Variants in GC observed in about 807,000 individuals in gnomAD.
GC encodes the protein vitamin D-binding protein.
GC carries 43 observed loss-of-function variants against 56.7 expected under a neutral mutation model. The ratio of observed to expected loss-of-function variants is 0.76; its 90% confidence interval spans 0.59 to 0.98. The LOEUF is 0.98. Among genes scored for constraint, GC ranks in the 50% least tolerant of loss-of-function variants. The pLI, the probability that GC is intolerant of heterozygous loss-of-function variation, is 0.00. For missense variants in GC, 529 were observed against 545.9 expected, an observed-to-expected ratio of 0.97 and a Z score of 0.31; for synonymous variants, 216 against 202.7, an observed-to-expected ratio of 1.07 and a Z score of -0.56.
At chr4:71,796,587 C>T (rs1295100799) in intron 1 of GC, among the ~76,000 whole-genome samples, 1 of 152,162 alleles carries the variant, frequency 6.6e-6, no homozygotes, top group Non-Finnish European at 1.5e-5. Context: ...AGGTTTTGAG[C>T]TTCCTTGTGA....
chr4:71,758,312 C>T (rs557739883), intron 6 of GC, 141 bp from the exon 7 acceptor site: 45 of 665,564 alleles, frequency 6.8e-5, no homozygotes, highest in Non-Finnish European at 1.0e-4. Context: ...ATCTGCCATG[C>T]GATAGATCTT....
chr4:71,783,760 G>A (rs1198169984), intron 1 of GC, among the ~76,000 whole-genome samples: 1 of 151,646 alleles, frequency 6.6e-6, no homozygotes, highest in Non-Finnish European at 1.5e-5. Context: ...CAAGATTCTT[G>A]TGTTGATTTT....
rs112953382 is a variant in GC, at chr4:71,780,466, C to A, written c.58+3495G>T. ...ACAGCAACCTACAGAATGGGAGAAACTTTTTGCAATGTACCCATCTGACAA... is the reference window on the plus strand; with the variant it reads ...ACAGCAACCTACAGAATGGGAGAAAATTTTTGCAATGTACCCATCTGACAA... On this transcript the variant is annotated intron_variant, in intron 1 of 12. Coordinates refer to ENST00000273951, the MANE Select transcript of GC (RefSeq NM_000583.4). 1.8e-4 allele frequency among the ~76,000 whole-genome samples: 27 copies of A among 151,866 alleles called. 2 individuals carry two copies. Among genetic ancestry groups the A allele is most frequent in the African/African-American group, 6.3e-4 (26 of 41,444 alleles).
rs1742246250 is a variant in GC at position 71,768,563 on chromosome 4, G to T, written c.129-130C>A. ...AGCTCACTGCACTCTCTGCCTCCCA[G>T]GTTCAAGCAATTCTGCCTCAGCCTC... On this transcript the variant is annotated intron_variant, in intron 2 of 12. Coordinates refer to ENST00000273951, the MANE Select transcript of GC (RefSeq NM_000583.4). 2.0e-5 allele frequency: 13 copies of T among 665,714 alleles called. No homozygotes were observed. The East Asian group carries it at 4.3e-4, about 22-fold the overall frequency. The allele number at this position is 665,714 out of a possible 1,614,324, so 41.2% of individuals were successfully genotyped here.
chr4:71,765,215 G>A (rs912696983), intron 4 of GC, among the ~76,000 whole-genome samples: 5 of 152,176 alleles, frequency 3.3e-5, no homozygotes, highest in Non-Finnish European at 7.3e-5. Flanking sequence ...AATAGGATTA[G>A]GGTTAGTAAG....
At chr4:71,764,882 A>G (rs1742108242) in intron 4 of GC, among the ~76,000 whole-genome samples, 1 of 152,186 alleles carries the variant, frequency 6.6e-6, no homozygotes, top group Non-Finnish European at 1.5e-5. Context: ...CAAGACTAAC[A>G]TAAAGATTCA....
chr4:71,750,655 C>G (rs1741519046), intron 11 of GC, among the ~76,000 whole-genome samples: 1 of 152,034 alleles, frequency 6.6e-6, no homozygotes, highest in African/African-American at 2.4e-5. Flanking sequence ...GAGGCTGAGG[C>G]GGGTGGATCA....
chr4:71,752,618 T>C lies in GC; in HGVS notation c.1295A>G (p.Asp432Gly), dbSNP rs1301974976. ...LAERLKAKLP[D>G]ATPTELAKLV... ...CTTTGCCAGTTCCGTGGGTGTGGCA[T>C]CAGGCAATTTTGCTTTTAGTCGCTC... The change falls in exon 11 of 13, where the codon GAT becomes GGT. Residue 432 changes from aspartate to glycine, a missense_variant. By Grantham distance (94) the Asp-to-Gly change is moderately conservative. Coordinates refer to ENST00000273951, the MANE Select transcript of GC (RefSeq NM_000583.4). 1.9e-6 allele frequency: 3 copies of C among 1,613,018 alleles called. No homozygotes were observed. The highest frequency in any genetic ancestry group is 2.7e-5 in the African/African-American group (2 of 74,922).
chr4:71,746,326 T>G (rs1180612318), intron 11 of GC, 121 bp from the exon 12 acceptor site: 1 of 559,256 alleles, frequency 1.8e-6, no homozygotes. Context: ...CTTGCCAAGA[T>G]GCAATGTTAC....
intron 1 of GC, among the ~76,000 whole-genome samples, chr4:71,772,695 T>C (rs573318052): frequency 2.0e-4 from 30 of 152,226 alleles, no homozygotes; most frequent in African/African-American, 7.2e-4. Context: ...GTTTTGAAAC[T>C]ATTTTTGCTG....
chr4:71,799,055 C>A (rs929067194), intron 1 of GC, among the ~76,000 whole-genome samples: 1 of 152,076 alleles, frequency 6.6e-6, no homozygotes, highest in Non-Finnish European at 1.5e-5. Flanking sequence ...AAAGAAACCC[C>A]GTAGTTCCCC....
intron 11 of GC, among the ~76,000 whole-genome samples, chr4:71,748,929 A>T (rs577386833): frequency 7.9e-5 from 12 of 152,158 alleles, no homozygotes; most frequent in Non-Finnish European, 1.6e-4. Flanking sequence ...AGTTTTTTCA[A>T]GCAAATGTAT....
intron 11 of GC, among the ~76,000 whole-genome samples, chr4:71,748,460 T>G (rs1741447054): frequency 6.6e-6 from 1 of 152,082 alleles, no homozygotes; most frequent in Non-Finnish European, 1.5e-5. Context: ...TTACAATGAC[T>G]TTTGGAATAC....
At chr4:71,757,252 G>T (rs1275892528) in intron 7 of GC, among the ~76,000 whole-genome samples, 1 of 152,020 alleles carries the variant, frequency 6.6e-6, no homozygotes, top group Non-Finnish European at 1.5e-5. Flanking sequence ...ATAAAAATAT[G>T]GTGTGTCTAG....
At chr4:71,787,785 G>A (rs112550945), upstream of GC, among the ~76,000 whole-genome samples, 26 of 151,982 alleles carry the variant, frequency 1.7e-4, 2 homozygotes, top group African/African-American at 6.3e-4. Flanking sequence ...TTTGGCTGAG[G>A]GGGGAAGAGT....
At chr4:71,749,663 G>A (rs892946497) in intron 11 of GC, among the ~76,000 whole-genome samples, 2 of 152,130 alleles carry the variant, frequency 1.3e-5, no homozygotes, top group Admixed American at 1.3e-4. Context: ...GGTATGAAAA[G>A]AAAGAACTGT....
At chr4:71,793,688 C>G (rs1054487593) in intron 1 of GC, among the ~76,000 whole-genome samples, 14 of 152,266 alleles carry the variant, frequency 9.2e-5, no homozygotes, top group African/African-American at 3.1e-4. Flanking sequence ...ACTTCCAACA[C>G]TATGCTGAAT....
At position 71,758,296 on chromosome 4, in the gene GC, G is replaced by T. The variant is rs565721085; in HGVS notation, c.702-125C>A. ...CTCCTTGGCCTCAAGAGATGCATGG[G>T]AGCACATCTGCCATGCGATAGATCT... On this transcript the variant is annotated intron_variant, in intron 6 of 12. Transcript: ENST00000273951. The T allele has an allele frequency of 1.2e-5, 9 of 739,142 alleles. No individual in the cohort carries two copies. The African/African-American group carries it at 1.6e-4, about 13-fold the overall frequency. The allele number at this position is 739,142 out of a possible 1,614,324, so 45.8% of individuals were successfully genotyped here. A position where few individuals can be genotyped will look rare whatever the true frequency, so the allele number is the denominator to read the frequency against.
Position 71,782,108 on chromosome 4 carries a change from A to C in GC, c.58+1853T>G, listed in dbSNP as rs1013838924. ...TTTCTTAAATATATTTGGCCACAGAAACTTCTTTTCAAGGTAAGTCTTGAG... is the reference window on the plus strand; with the variant it reads ...TTTCTTAAATATATTTGGCCACAGACACTTCTTTTCAAGGTAAGTCTTGAG... On this transcript the variant is annotated intron_variant, in intron 1 of 12. Transcript: ENST00000273951. Among the ~76,000 whole-genome samples the C allele has an allele frequency of 3.3e-5, 5 of 151,744 alleles. No homozygotes were observed. In the East Asian group the frequency reaches 9.7e-4, roughly 29 times the overall value.
Sources: allele counts gnomAD v4.1 joint callset (sites outside exome capture counted in the v4.1 genomes callset), GRCh38; gene constraint gnomAD v4.1.1; transcripts MANE v1.5; gene names NCBI Gene and HGNC (gene_info 2026-07-23, HGNC 2026-07-21).